The following PPFIBP1 variants were observed in gnomAD, a reference collection of about 807,000 sequenced individuals.
PPFIBP1 encodes PPFIB scaffold protein 1, also known as liprin-beta-1.
Under a neutral mutation model 137.8 loss-of-function variants are expected in PPFIBP1, and 112 were observed. That is an observed-to-expected ratio of 0.81 (90% confidence interval 0.70 to 0.95). The LOEUF is 0.95. PPFIBP1 is among the 40% of genes least tolerant of loss of function. The probability of loss-of-function intolerance (pLI) is 0.00; values close to 1 mark genes in which losing one functional copy is unlikely to be tolerated. For missense variants in PPFIBP1, 1,083 were observed against 1,196.6 expected, an observed-to-expected ratio of 0.91 and a Z score of 1.40; for synonymous variants, 378 against 417.3, an observed-to-expected ratio of 0.91 and a Z score of 1.15.
At chr12:27,606,518 T>A (rs183934173) in intron 2 of PPFIBP1, among the ~76,000 whole-genome samples, 1 of 152,370 alleles carries the variant, frequency 6.6e-6, no homozygotes, top group East Asian at 1.9e-4. Flanking sequence ...CATGTTTAAG[T>A]TTTGCTGATG....
chr12:27,532,537 T>C (rs1007804129), intron 1 of PPFIBP1, among the ~76,000 whole-genome samples: 3 of 151,978 alleles, frequency 2.0e-5, no homozygotes, highest in Admixed American at 1.3e-4. Flanking sequence ...ATTTTAAACA[T>C]CTATTTATTG....
intron 1 of PPFIBP1, among the ~76,000 whole-genome samples, chr12:27,530,556 A>G (rs1262815435): frequency 6.6e-6 from 1 of 152,258 alleles, no homozygotes; most frequent in Non-Finnish European, 1.5e-5. Context: ...TTGATTCTCT[A>G]GGATGACTTG....
chr12:27,602,331 T>C (rs1198439781), intron 2 of PPFIBP1, among the ~76,000 whole-genome samples: 2 of 152,228 alleles, frequency 1.3e-5, no homozygotes, highest in East Asian at 3.8e-4. Flanking sequence ...AGGTGTACAG[T>C]GTGATGATTT....
Position 27,688,307 on chromosome 12 carries a change from G to A in PPFIBP1, c.2380G>A (p.Ala794Thr), listed in dbSNP as rs376329180. Residue 794 changes from alanine to threonine, a missense_variant, in exon 26 of 30, where the codon GCC (alanine) becomes ACC (threonine). Physicochemically the swap from Ala to Thr is moderately conservative, Grantham distance 58 (BLOSUM62 0). Coordinates refer to ENST00000228425, the MANE Select transcript of PPFIBP1 (RefSeq NM_003622.4). ...RRRPSDENTI[A>T]PSEVQKWTNH... ...TTGTGTGTTCCCATAGAATACCATC[G>A]CCCCATCAGAAGTTCAGAAGTGGAC... 53 of 1,613,588 alleles carry A rather than the reference G, an allele frequency of 3.3e-5. 1 individual carries two copies. Among genetic ancestry groups the A allele is most frequent in the African/African-American group, 2.9e-4 (22 of 74,942 alleles).
chr12:27,601,315 T>A (rs547605462), intron 2 of PPFIBP1, among the ~76,000 whole-genome samples: 2 of 152,326 alleles, frequency 1.3e-5, no homozygotes, highest in African/African-American at 4.8e-5. Context: ...AATTCTTAGC[T>A]GAAATATTTA....
intron 11 of PPFIBP1, 36 bp from the exon 12 acceptor site, chr12:27,664,326 C>T: frequency 7.4e-7 from 1 of 1,350,326 alleles, no homozygotes; most frequent in South Asian, 1.2e-5. Context: ...CTTTTAAGAA[C>T]ATAGGATTAA....
intron 27 of PPFIBP1, among the ~76,000 whole-genome samples, chr12:27,690,173 C>A (rs1046440059): frequency 6.9e-6 from 1 of 145,292 alleles, no homozygotes; most frequent in African/African-American, 2.6e-5. Flanking sequence ...CACTCCTACT[C>A]GGATTTTTTT....
intron 2 of PPFIBP1, among the ~76,000 whole-genome samples, chr12:27,610,885 T>C (rs2055026348): frequency 6.6e-6 from 1 of 151,814 alleles, no homozygotes; most frequent in Non-Finnish European, 1.5e-5. Flanking sequence ...CAGTTATTTT[T>C]CTTTTTTTTT....
chr12:27,689,084 C>A lies in PPFIBP1; in HGVS notation c.2566C>A (p.Leu856Met). 2 of 1,613,306 alleles carry A rather than the reference C, an allele frequency of 1.2e-6. No homozygotes were observed. Among genetic ancestry groups the A allele is most frequent in the Non-Finnish European group, 1.7e-6 (2 of 1,179,838 alleles). The change falls in exon 27 of 30, where the codon CTG becomes ATG. Residue 856 changes from leucine (L) to methionine (M), a missense_variant. Leu to Met is a conservative substitution (Grantham distance 15). Transcript: ENST00000228425. ...GAACATCCCACCCAATAAGACTTTG[C>A]TGCGAAGACATTTGGCCACTCATTT... is the stretch of plus-strand genomic sequence containing the variant. ...LLNIPPNKTL[L>M]RRHLATHFNL... is the part of the protein sequence containing the mutation.
intron 1 of PPFIBP1, among the ~76,000 whole-genome samples, chr12:27,563,177 C>A (rs2049303647): frequency 1.4e-5 from 2 of 143,872 alleles, no homozygotes; most frequent in Admixed American, 1.4e-4. Flanking sequence ...TGTGGTGGCT[C>A]ACACCTTTAA....
chr12:27,533,509 G>T (rs956500223), intron 1 of PPFIBP1, among the ~76,000 whole-genome samples: 3 of 152,156 alleles, frequency 2.0e-5, no homozygotes, highest in African/African-American at 7.2e-5. Context: ...ACTCAGGCAG[G>T]TGCAGCTCCA....
At chr12:27,577,229 T>A (rs894805115) in intron 1 of PPFIBP1, among the ~76,000 whole-genome samples, 3 of 151,242 alleles carry the variant, frequency 2.0e-5, no homozygotes, top group African/African-American at 7.3e-5. Context: ...TTTTTTTTAA[T>A]AAAAAATGTC....
intron 24 of PPFIBP1, among the ~76,000 whole-genome samples, chr12:27,684,406 G>A (rs1050278922): frequency 1.3e-5 from 2 of 152,196 alleles, no homozygotes; most frequent in Non-Finnish European, 2.9e-5. Context: ...ACTGTGCCCG[G>A]CCTAAAATTC....
intron 2 of PPFIBP1, among the ~76,000 whole-genome samples, chr12:27,597,869 A>G (rs2053499502): frequency 6.6e-6 from 1 of 152,080 alleles, no homozygotes; most frequent in Non-Finnish European, 1.5e-5. Flanking sequence ...CAGTGGCATG[A>G]TCTCCAGCTC....
chr12:27,539,503 C>G (rs893174629), intron 1 of PPFIBP1, among the ~76,000 whole-genome samples: 1 of 152,152 alleles, frequency 6.6e-6, no homozygotes, highest in Non-Finnish European at 1.5e-5. Context: ...TTCCCAAAAC[C>G]TGTTTTGATA....
chr12:27,663,839 CAA>C (rs56020985), intron 11 of PPFIBP1, among the ~76,000 whole-genome samples: 241 of 129,980 alleles, frequency 1.9e-3, no homozygotes, highest in Middle Eastern at 8.3e-3. Context: ...GACCCTGTCT[CAA>C]AAAAAAAAAA....
At chr12:27,547,744 T>C (rs1369941622) in intron 1 of PPFIBP1, 1 of 152,252 alleles carries the variant, frequency 6.6e-6, no homozygotes, top group African/African-American at 2.4e-5. Flanking sequence ...GGCTGGACTT[T>C]TGTTTGCCTA....
At chr12:27,553,004 C>A (rs976476669) in intron 1 of PPFIBP1, among the ~76,000 whole-genome samples, 3 of 151,884 alleles carry the variant, frequency 2.0e-5, no homozygotes, top group African/African-American at 7.3e-5. Context: ...GCTAAACTGA[C>A]TTAGCAGGGT....
chr12:27,657,029 G>A (rs1189058376), intron 9 of PPFIBP1: 1 of 224,752 alleles, frequency 4.4e-6, no homozygotes, highest in Non-Finnish European at 8.7e-6. Flanking sequence ...AAGGGAATTT[G>A]TGCCAAAGGA....
Sources: allele counts gnomAD v4.1 joint callset (sites outside exome capture counted in the v4.1 genomes callset), GRCh38; gene constraint gnomAD v4.1.1; transcripts MANE v1.5; gene names NCBI Gene and HGNC (gene_info 2026-07-23, HGNC 2026-07-21).